PTPRD: variants seen among roughly 807,000 people sequenced by gnomAD.
The protein encoded by PTPRD is receptor-type tyrosine-protein phosphatase delta.
A neutral mutation model predicts 214.5 loss-of-function variants in PTPRD; 34 were observed. That is an observed-to-expected ratio of 0.16 (90% CI 0.12 to 0.21). The LOEUF is 0.21. Among genes scored for constraint, PTPRD ranks in the 10% least tolerant of loss-of-function variants. The pLI, the probability that PTPRD is intolerant of heterozygous loss-of-function variation, is 1.00. For missense variants in PTPRD, 2,545 were observed against 2,398.7 expected, an observed-to-expected ratio of 1.06 and a Z score of -1.27; for synonymous variants, 1,128 against 845.7, an observed-to-expected ratio of 1.33 and a Z score of -5.79.
At position 9,760,635 on chromosome 9, in the gene PTPRD, CACACACACACACACACACAT is replaced by C. The variant is rs1254065248; in HGVS notation, c.-326+6155_-326+6174del. On this transcript the variant is annotated intron_variant, in intron 6 of 45. Transcript: ENST00000381196. ...ACACACACACACACACACACACACA[CACACACACACACACACACAT>C]ATATATATATATTCCAGCACTGTTC... Among the ~76,000 whole-genome samples the C allele has an allele frequency of 5.0e-3, 694 of 138,826 alleles. 6 individuals are homozygous for C. The highest frequency in any genetic ancestry group is 0.018 in the Middle Eastern group (5 of 278). 91.1% of individuals were successfully genotyped at this position (138,826 alleles called of 152,430 possible).
At chr9:9,770,744 A>T (rs2098745537) in intron 5 of PTPRD, among the ~76,000 whole-genome samples, 1 of 152,162 alleles carries the variant, frequency 6.6e-6, no homozygotes, top group Admixed American at 6.5e-5. Context: ...CACAGGTTGA[A>T]AATCTGGAGA....
intron 3 of PTPRD, among the ~76,000 whole-genome samples, chr9:10,152,003 C>T (rs2099064141): frequency 1.3e-5 from 2 of 152,090 alleles, no homozygotes; most frequent in African/African-American, 2.4e-5. Flanking sequence ...GCTATAAACA[C>T]CTACGTATAG....
chr9:8,849,447 C>G (rs996212436), intron 11 of PTPRD, among the ~76,000 whole-genome samples: 5 of 152,090 alleles, frequency 3.3e-5, no homozygotes, highest in African/African-American at 1.2e-4. Flanking sequence ...AGAATGGTCT[C>G]GATCTCCTGA....
intron 2 of PTPRD, among the ~76,000 whole-genome samples, chr9:10,360,840 C>T (rs1017223597): frequency 2.0e-5 from 3 of 152,158 alleles, no homozygotes; most frequent in South Asian, 4.1e-4. Context: ...CGGTGGCTCA[C>T]GCCTGTAATC....
At chr9:8,641,851 G>C (rs985372495) in intron 12 of PTPRD, among the ~76,000 whole-genome samples, 1 of 152,142 alleles carries the variant, frequency 6.6e-6, no homozygotes, top group Non-Finnish European at 1.5e-5. Flanking sequence ...TCTAATATTT[G>C]GATGCCATAT....
intron 5 of PTPRD, among the ~76,000 whole-genome samples, chr9:9,881,563 A>T (rs1024771346): frequency 6.6e-6 from 1 of 152,162 alleles, no homozygotes; most frequent in African/African-American, 2.4e-5. Context: ...GATTATGTAA[A>T]GAACTCCCAA....
Position 10,206,350 on chromosome 9 carries a change from G to A in PTPRD, c.-545+134613C>T, listed in dbSNP as rs545135121. On this transcript the variant is annotated intron_variant, in intron 3 of 45. Coordinates refer to ENST00000381196, the MANE Select transcript of PTPRD (RefSeq NM_002839.4). ...CCAAAGAATCTCTGCTTTCTTTTCC[G>A]AGGGCACTAGGTAGTCATCTGGAGT... Among the ~76,000 whole-genome samples, 12 of 152,190 alleles carry A rather than the reference G, an allele frequency of 7.9e-5. 1 individual carries two copies. In the South Asian group the frequency reaches 2.5e-3, roughly 32 times the overall value.
intron 5 of PTPRD, among the ~76,000 whole-genome samples, chr9:9,818,415 C>G (rs2049489442): frequency 2.6e-5 from 4 of 152,008 alleles, no homozygotes; most frequent in Non-Finnish European, 5.9e-5. Context: ...GAATACAACT[C>G]CTAGATGCTA....
rs570549668 is a variant in PTPRD, at chr9:10,206,868, C to A, written c.-545+134095G>T. On this transcript the variant is annotated intron_variant, in intron 3 of 45. Transcript: ENST00000381196. ...TTGGTGAGACTGAGTGTAACTCAGA[C>A]TAGAAACCAAGAAAACACATACCAA... 2.2e-3 allele frequency among the ~76,000 whole-genome samples: 338 copies of A among 152,012 alleles called. 1 individual carries two copies. Among genetic ancestry groups the A allele is most frequent in the Admixed American group, 3.9e-3 (59 of 15,264 alleles).
At chr9:8,805,291 G>C (rs1304316921) in intron 11 of PTPRD, among the ~76,000 whole-genome samples, 1 of 152,174 alleles carries the variant, frequency 6.6e-6, no homozygotes, top group Non-Finnish European at 1.5e-5. Flanking sequence ...GCAAGTTGGA[G>C]CTGCAATTAG....
rs149476255 is a variant in PTPRD, at chr9:10,538,976, C to T, written c.-600+73422G>A. Among the ~76,000 whole-genome samples the T allele has an allele frequency of 1.6e-4, 24 of 152,230 alleles. No homozygotes were observed. The East Asian group carries it at 4.5e-3, about 28-fold the overall frequency. Reference sequence around the variant, plus strand: ...TCATTTCCTGGGTCACCAGCCTGTGCCTGGAGGACCTTATCCAGGGAGTAA... The same window carrying T: ...TCATTTCCTGGGTCACCAGCCTGTGTCTGGAGGACCTTATCCAGGGAGTAA... On this transcript the variant is annotated intron_variant, in intron 2 of 45. Transcript: ENST00000381196.
chr9:10,295,976 G>A (rs2095661754), intron 3 of PTPRD, among the ~76,000 whole-genome samples: 1 of 152,004 alleles, frequency 6.6e-6, no homozygotes, highest in African/African-American at 2.4e-5. Flanking sequence ...TTTTCTCAGT[G>A]TAAGGTTCCT....
intron 9 of PTPRD, among the ~76,000 whole-genome samples, chr9:9,326,131 A>G (rs180831985): frequency 6.6e-6 from 1 of 152,182 alleles, no homozygotes; most frequent in East Asian, 1.9e-4. Flanking sequence ...CTCTGATATA[A>G]CTATGAGGGT....
chr9:9,678,978 G>T (rs1409253746), intron 7 of PTPRD, among the ~76,000 whole-genome samples: 1 of 151,770 alleles, frequency 6.6e-6, no homozygotes, highest in Non-Finnish European at 1.5e-5. Context: ...TTTAGAAAAT[G>T]AATTTTGGTA....
intron 5 of PTPRD, among the ~76,000 whole-genome samples, chr9:9,870,263 C>T (rs941206240): frequency 2.6e-5 from 4 of 151,854 alleles, no homozygotes; most frequent in African/African-American, 7.2e-5. Flanking sequence ...TTCAAAGAAT[C>T]TTGATATAAA....
rs970168521 is a variant in PTPRD, at chr9:9,458,642, T to C, written c.-236-61160A>G. Among the ~76,000 whole-genome samples the C allele has an allele frequency of 4.6e-5, 7 of 152,094 alleles. 1 individual carries two copies. Among genetic ancestry groups the C allele is most frequent in the Admixed American group, 2.6e-4 (4 of 15,252 alleles). On this transcript the variant is annotated intron_variant, in intron 8 of 45. Transcript: ENST00000381196. ...AACTTGGGACAGTGGATGCCAGCTA[T>C]CTCAGAAAGACAAAAATGACCAAGT...
intron 6 of PTPRD, among the ~76,000 whole-genome samples, chr9:9,746,075 G>T (rs2098455012): frequency 6.6e-6 from 1 of 152,176 alleles, no homozygotes; most frequent in East Asian, 1.9e-4. Flanking sequence ...GGAAACCCAA[G>T]AGAAAATCTG....
intron 9 of PTPRD, among the ~76,000 whole-genome samples, chr9:9,341,379 C>A (rs552377202): frequency 6.6e-6 from 1 of 152,162 alleles, no homozygotes; most frequent in Non-Finnish European, 1.5e-5. Flanking sequence ...AACTCATTAT[C>A]CCCCCAGGGC....
chr9:9,372,209 G>T (rs531021211), intron 9 of PTPRD, among the ~76,000 whole-genome samples: 9 of 152,156 alleles, frequency 5.9e-5, no homozygotes, highest in Admixed American at 5.9e-4. Context: ...TGTTGACAGT[G>T]GGGTGTTAAA....
Sources: gnomAD v4.1 joint callset for allele counts (sites outside exome capture counted in the v4.1 genomes callset) on GRCh38, gnomAD v4.1.1 for gene constraint, MANE v1.5 for transcripts, NCBI Gene and HGNC (gene_info 2026-07-23, HGNC 2026-07-21) for gene names.